The following NCAM1 variants were observed in gnomAD, a reference collection of about 807,000 sequenced individuals.
NCAM1 encodes the protein antigen recognized by monoclonal antibody 5.1H11.
In NCAM1, 14 loss-of-function variants were observed where a neutral mutation model predicts 109.8. That is an observed-to-expected ratio of 0.13 (90% confidence interval 0.08 to 0.20). The LOEUF (loss-of-function observed/expected upper bound fraction) is 0.20. Ranked by LOEUF, NCAM1 falls within the 10% of genes least tolerant of loss-of-function variation. The probability of loss-of-function intolerance (pLI) is 1.00; values close to 1 mark genes in which losing one functional copy is unlikely to be tolerated. For synonymous variants in NCAM1, 418 were observed against 442.9 expected (o/e 0.94, Z 0.70); for missense variants, 774 against 1,109.9 (o/e 0.70, Z 4.30).
At position 113,206,091 on chromosome 11, in the gene NCAM1, A is replaced by T; in HGVS notation, c.539A>T (p.Lys180Met). The stretch of plus-strand genomic sequence containing the variant: ...AACTACCTGCAGATCCGGGGCATCA[A>T]GAAAACAGATGAGGGCACTTATCGC... ...SNNYLQIRGI[K>M]KTDEGTYRCE... The change falls in exon 5 of 20, where the codon AAG (lysine) becomes ATG (methionine). Residue 180 changes from lysine (K) to methionine (M), a missense_variant. This residue lies in a region of NCAM1 where 523 missense variants were observed against 784.2 expected (regional missense o/e 0.67). Transcript: ENST00000316851. 5 of 1,614,010 alleles carry T rather than the reference A, an allele frequency of 3.1e-6. No homozygotes were observed. Among genetic ancestry groups the T allele is most frequent in the Non-Finnish European group, 4.2e-6 (5 of 1,179,896 alleles).
chr11:113,090,190 T>C (rs1236574498), intron 1 of NCAM1, among the ~76,000 whole-genome samples: 3 of 152,238 alleles, frequency 2.0e-5, no homozygotes, highest in Admixed American at 2.0e-4. Flanking sequence ...TGCTGTGGAC[T>C]ACTAGGTGAT....
intron 1 of NCAM1, among the ~76,000 whole-genome samples, chr11:112,992,926 A>G (rs1555070797): frequency 6.6e-6 from 1 of 152,170 alleles, no homozygotes; most frequent in African/African-American, 2.4e-5. Context: ...TGATTTATCA[A>G]TTTTTGTCCT....
chr11:113,226,717 G>T (rs1412266783), intron 9 of NCAM1, among the ~76,000 whole-genome samples: 6 of 152,176 alleles, frequency 3.9e-5, no homozygotes, highest in Non-Finnish European at 8.8e-5. Context: ...GAACAGAAAT[G>T]ATAACAAACT....
intron 1 of NCAM1, among the ~76,000 whole-genome samples, chr11:113,070,732 A>G (rs1396682115): frequency 2.0e-5 from 3 of 152,210 alleles, no homozygotes; most frequent in Non-Finnish European, 4.4e-5. Flanking sequence ...CTGAGAAAAT[A>G]GATTCCTCAG....
intron 1 of NCAM1, among the ~76,000 whole-genome samples, chr11:113,130,452 T>C (rs1265468805): frequency 6.6e-6 from 1 of 152,158 alleles, no homozygotes; most frequent in African/African-American, 2.4e-5. Flanking sequence ...AAGTGATGTA[T>C]ATTAATAGGG....
At chr11:113,078,707 T>C (rs1388210877) in intron 1 of NCAM1, among the ~76,000 whole-genome samples, 1 of 152,180 alleles carries the variant, frequency 6.6e-6, no homozygotes, top group Non-Finnish European at 1.5e-5. Context: ...GGCTGTTCTA[T>C]AGCTCCTTTG....
rs943905694 is a variant in NCAM1 at position 113,153,414 on chromosome 11, G to A, written c.53-48965G>A. Among the ~76,000 whole-genome samples, 5 of 151,858 alleles carry A rather than the reference G, an allele frequency of 3.3e-5. No individual in the cohort carries two copies. The East Asian group carries it at 7.8e-4, about 24-fold the overall frequency. On this transcript the variant is annotated intron_variant, in intron 1 of 19. Coordinates refer to ENST00000316851, the MANE Select transcript of NCAM1 (RefSeq NM_181351.5). ...GAGAATTGACAGAAAGTTGTTACTGGGATTTGGCAGTGGGGAGGGGGGGCA... is the reference window on the plus strand; with the variant it reads ...GAGAATTGACAGAAAGTTGTTACTGAGATTTGGCAGTGGGGAGGGGGGGCA...
intron 1 of NCAM1, among the ~76,000 whole-genome samples, chr11:113,067,519 G>A (rs1251878222): frequency 6.6e-6 from 1 of 152,186 alleles, no homozygotes; most frequent in Non-Finnish European, 1.5e-5. Flanking sequence ...TGAAACATTA[G>A]TGTTTAATTC....
intron 1 of NCAM1, among the ~76,000 whole-genome samples, chr11:113,021,933 G>A (rs969409778): frequency 1.3e-5 from 2 of 152,146 alleles, no homozygotes; most frequent in Admixed American, 6.6e-5. Flanking sequence ...GGGAGAAGAC[G>A]GGAAGCTTGG....
intron 19 of NCAM1, among the ~76,000 whole-genome samples, chr11:113,272,584 C>A (rs1248817665): frequency 6.6e-6 from 1 of 152,180 alleles, no homozygotes; most frequent in Non-Finnish European, 1.5e-5. Context: ...GCCTGCCCCT[C>A]CTTGAATGGA....
At chr11:113,138,359 C>T (rs1039413058) in intron 1 of NCAM1, among the ~76,000 whole-genome samples, 1 of 152,214 alleles carries the variant, frequency 6.6e-6, no homozygotes, top group Admixed American at 6.5e-5. Flanking sequence ...CTCAGTCCAG[C>T]ATCTGTCATG....
At chr11:113,242,830 A>T (rs1293585693) in intron 14 of NCAM1, 3 of 1,613,856 alleles carry the variant, frequency 1.9e-6, no homozygotes, top group African/African-American at 2.7e-5. Flanking sequence ...CTGCCCTTGC[A>T]ACCACAGAAC....
intron 1 of NCAM1, among the ~76,000 whole-genome samples, chr11:113,139,882 G>A (rs1941749978): frequency 6.6e-6 from 1 of 152,132 alleles, no homozygotes; most frequent in African/African-American, 2.4e-5. Context: ...CTTGTAAAGA[G>A]GCTCAACATT....
intron 1 of NCAM1, among the ~76,000 whole-genome samples, chr11:113,018,671 C>T (rs1555075723): frequency 6.6e-6 from 1 of 152,122 alleles, no homozygotes; most frequent in Non-Finnish European, 1.5e-5. Context: ...ATTGATTGAT[C>T]ATATAGATAA....
At chr11:113,160,565 C>T (rs1591375970) in intron 1 of NCAM1, among the ~76,000 whole-genome samples, 2 of 152,282 alleles carry the variant, frequency 1.3e-5, no homozygotes, top group South Asian at 2.1e-4. Flanking sequence ...AGCATTTCTT[C>T]CCCTGAACTG....
At position 112,995,813 on chromosome 11, in the gene NCAM1, T is replaced by C. The variant is rs75713087; in HGVS notation, c.52+34149T>C. ...GGCCGTATCTCATATATAAATGTAA[T>C]ATAGCCTCAGTGGTAAAAATCTACT... On this transcript the variant is annotated intron_variant, in intron 1 of 19. Coordinates refer to ENST00000316851, the MANE Select transcript of NCAM1 (RefSeq NM_181351.5). 6.0e-3 allele frequency among the ~76,000 whole-genome samples: 908 copies of C among 152,316 alleles called. 3 individuals are homozygous for C. Among genetic ancestry groups the C allele is most frequent in the Non-Finnish European group, 9.4e-3 (638 of 68,030 alleles).
chr11:113,047,835 T>C (rs1555081107), intron 1 of NCAM1, among the ~76,000 whole-genome samples: 2 of 152,176 alleles, frequency 1.3e-5, no homozygotes, highest in African/African-American at 4.8e-5. Flanking sequence ...TTCACTATCA[T>C]GAAAACAGCA....
At chr11:112,976,801 T>C (rs1951019723) in intron 1 of NCAM1, among the ~76,000 whole-genome samples, 1 of 151,932 alleles carries the variant, frequency 6.6e-6, no homozygotes, top group South Asian at 2.1e-4. Flanking sequence ...GTAAGTCTTA[T>C]CCATATCTAA....
chr11:113,159,617 T>C (rs1209518574), intron 1 of NCAM1, among the ~76,000 whole-genome samples: 1 of 152,224 alleles, frequency 6.6e-6, no homozygotes, highest in Admixed American at 6.5e-5. Flanking sequence ...TAGAGAATTA[T>C]TTCTATTACA....
Sources: allele counts gnomAD v4.1 joint callset (sites outside exome capture counted in the v4.1 genomes callset), GRCh38; gene constraint gnomAD v4.1.1; regional missense constraint gnomAD v4.1.1; transcripts MANE v1.5; gene names NCBI Gene and HGNC (gene_info 2026-07-23, HGNC 2026-07-21).